Variants in ESYT2 observed in about 807,000 individuals in gnomAD.
The protein encoded by ESYT2 is extended synaptotagmin-2.
Under a neutral mutation model 107.2 loss-of-function variants are expected in ESYT2, and 54 were observed. The observed-to-expected ratio is 0.50, with a 90% CI of 0.40 to 0.63. ESYT2 has a LOEUF of 0.63. Among genes scored for constraint, ESYT2 ranks in the 30% least tolerant of loss-of-function variants. The pLI is 0.00. For missense variants in ESYT2, 1,020 were observed against 1,094.5 expected (o/e 0.93, Z 0.96); for synonymous variants, 491 against 434.1 (o/e 1.13, Z -1.63).
chr7:158,781,234 TAAGA>T (rs1238843509), intron 6 of ESYT2, among the ~76,000 whole-genome samples: 1 of 151,614 alleles, frequency 6.6e-6, no homozygotes, highest in African/African-American at 2.4e-5. Context: ...GAGGTGTGTG[TAAGA>T]ATGAGTGAGA....
At chr7:158,749,582 T>A in intron 15 of ESYT2, 67 bp downstream of exon 15, 1 of 1,500,426 alleles carries the variant, frequency 6.7e-7, no homozygotes, top group East Asian at 2.3e-5. Context: ...CATCCCCAGG[T>A]GAGACGGCAA....
intron 11 of ESYT2, 146 bp downstream of exon 11, chr7:158,761,350 G>A (rs1837952053): frequency 1.5e-6 from 1 of 664,412 alleles, no homozygotes; most frequent in African/African-American, 1.8e-5. Context: ...TAAATTCTTA[G>A]TATATGTTAA....
At chr7:158,805,288 G>C (rs1262136625) in intron 1 of ESYT2, among the ~76,000 whole-genome samples, 3 of 152,114 alleles carry the variant, frequency 2.0e-5, no homozygotes, top group Non-Finnish European at 4.4e-5. Context: ...TAGAGACTTT[G>C]GTCAGTATTC....
intron 3 of ESYT2, among the ~76,000 whole-genome samples, chr7:158,795,291 T>A (rs757981095): frequency 3.9e-5 from 6 of 152,258 alleles, no homozygotes; most frequent in African/African-American, 1.4e-4. Flanking sequence ...CTTTATTGAA[T>A]CAGCACTCCT....
chr7:158,781,569 G>A (rs1378126965), intron 6 of ESYT2, among the ~76,000 whole-genome samples: 5 of 151,826 alleles, frequency 3.3e-5, no homozygotes, highest in African/African-American at 1.2e-4. Flanking sequence ...ACGACTGTGA[G>A]AACAAAGTGT....
chr7:158,806,492 C>T (rs1416674992), intron 1 of ESYT2, among the ~76,000 whole-genome samples: 5 of 152,074 alleles, frequency 3.3e-5, no homozygotes, highest in African/African-American at 1.2e-4. Context: ...GAATTTAAAC[C>T]AGGACTAATA....
At chr7:158,819,798 T>C (rs373000687) in intron 1 of ESYT2, among the ~76,000 whole-genome samples, 1 of 152,272 alleles carries the variant, frequency 6.6e-6, no homozygotes. Context: ...TCATTAAATA[T>C]AGAAAGATAA....
rs970222144 is a variant in ESYT2 at position 158,829,277 on chromosome 7, G to A, written c.142C>T (p.Leu48=). Residue 48 remains leucine (L), a synonymous_variant, in exon 1 of 23, where the codon CTG becomes TTG. Transcript: ENST00000275418. ...AQLARSFALL[L]PVYALGYLGL... is the part of the protein sequence containing the mutation. ...AGGTAGCCCAGCGCGTACACGGGCA[G>A]CAGCAGCGCGAAGCTCCGCGCCAGC... 2 of 1,518,828 alleles carry A rather than the reference G, an allele frequency of 1.3e-6. No homozygotes were observed. The highest frequency in any genetic ancestry group is 1.8e-6 in the Non-Finnish European group (2 of 1,142,072). 94.1% of individuals were successfully genotyped at this position (1,518,828 alleles called of 1,614,324 possible).
At chr7:158,738,978 A>G (rs2129471224) in intron 19 of ESYT2, 45 bp downstream of exon 19, 2 of 1,571,500 alleles carry the variant, frequency 1.3e-6, no homozygotes, top group Non-Finnish European at 1.8e-6. Flanking sequence ...TCCAGCATCC[A>G]CACTCAGCAG....
intron 1 of ESYT2, among the ~76,000 whole-genome samples, chr7:158,810,446 A>AGCTGACAG (rs1839962302): frequency 6.6e-6 from 1 of 152,216 alleles, no homozygotes; most frequent in African/African-American, 2.4e-5. Flanking sequence ...TGTGGAGGAA[A>AGCTGACAG]GCTGACAGGC....
intron 7 of ESYT2, among the ~76,000 whole-genome samples, chr7:158,770,183 G>T (rs1043025240): frequency 6.6e-6 from 1 of 151,704 alleles, no homozygotes; most frequent in Non-Finnish European, 1.5e-5. Context: ...GAGCCACCGC[G>T]TTCAGCCTCA....
intron 1 of ESYT2, among the ~76,000 whole-genome samples, chr7:158,819,233 T>C (rs1295515593): frequency 6.6e-6 from 1 of 152,196 alleles, no homozygotes; most frequent in Non-Finnish European, 1.5e-5. Context: ...AACACTGCCT[T>C]CCAAGGCCAG....
chr7:158,829,364 G>T lies in ESYT2; in HGVS notation c.55C>A (p.Arg19Ser). The change falls in exon 1 of 23, where the codon CGC (arginine) becomes AGC (serine). Residue 19 changes from arginine to serine, a missense_variant. By Grantham distance (110) the Arg-to-Ser change is moderately radical. Transcript: ENST00000275418. Reference protein sequence around the residue: ...PEAGAGGAGGRAAPENPGGVL... With the variant: ...PEAGAGGAGGSAAPENPGGVL... ...CCCCCGGGGTTCTCAGGCGCCGCGC[G>T]GCCCCCAGCCCCGCCGGCGCCCGCC... The T allele has an allele frequency of 7.3e-7, 1 of 1,363,962 alleles. No individual in the cohort carries two copies. Among genetic ancestry groups the T allele is most frequent in the Non-Finnish European group, 9.4e-7 (1 of 1,062,616 alleles). The allele number at this position is 1,363,962 out of a possible 1,614,324, so 84.5% of individuals were successfully genotyped here. A position where few individuals can be genotyped will look rare whatever the true frequency, so the allele number is the denominator to read the frequency against.
intron 4 of ESYT2, among the ~76,000 whole-genome samples, chr7:158,790,953 A>G (rs1450267759): frequency 2.6e-5 from 4 of 151,994 alleles, no homozygotes; most frequent in African/African-American, 9.7e-5. Flanking sequence ...ATTAATTAAC[A>G]CCCCAAAAAT....
intron 4 of ESYT2, among the ~76,000 whole-genome samples, chr7:158,789,416 G>A (rs1454176351): frequency 6.6e-6 from 1 of 152,038 alleles, no homozygotes; most frequent in Non-Finnish European, 1.5e-5. Flanking sequence ...GAGTACAGTG[G>A]TGCAATGATG....
chr7:158,787,069 G>A (rs776740681), intron 6 of ESYT2, among the ~76,000 whole-genome samples: 12 of 152,180 alleles, frequency 7.9e-5, no homozygotes, highest in Non-Finnish European at 1.2e-4. Context: ...TGGAGAAGAT[G>A]ACCAGGAGCA....
chr7:158,829,017 G>C (rs1840547150), intron 1 of ESYT2, 72 bp downstream of exon 1: 2 of 1,525,174 alleles, frequency 1.3e-6, no homozygotes, highest in African/African-American at 1.4e-5. Flanking sequence ...GCGGGGAGGG[G>C]AGTGCCTGCC....
At chr7:158,769,996 C>T (rs930105915) in intron 7 of ESYT2, among the ~76,000 whole-genome samples, 13 of 151,982 alleles carry the variant, frequency 8.6e-5, no homozygotes, top group African/African-American at 3.1e-4. Context: ...ATGATCCTGG[C>T]TCACTGCAAC....
intron 20 of ESYT2, among the ~76,000 whole-genome samples, chr7:158,736,252 T>C (rs1251456615): frequency 6.6e-6 from 1 of 152,196 alleles, no homozygotes; most frequent in Non-Finnish European, 1.5e-5. Context: ...CGCCTGCCAG[T>C]TTCTGATGGG....
Sources: gnomAD v4.1 joint callset for allele counts (sites outside exome capture counted in the v4.1 genomes callset) on GRCh38, gnomAD v4.1.1 for gene constraint, MANE v1.5 for transcripts, NCBI Gene and HGNC (gene_info 2026-07-23, HGNC 2026-07-21) for gene names.